The following PDE1C variants were observed in gnomAD, a reference collection of about 807,000 sequenced individuals.
PDE1C encodes the protein dual specificity calcium/calmodulin-dependent 3',5'-cyclic nucleotide phosphodiesterase 1C.
PDE1C carries 62 observed loss-of-function variants against 93.1 expected under a neutral mutation model. The ratio of observed to expected loss-of-function variants is 0.67; its 90% CI spans 0.54 to 0.82. The LOEUF is 0.82. Ranked by LOEUF, PDE1C falls within the 40% of genes least tolerant of loss-of-function variation. The probability of loss-of-function intolerance (pLI) is 0.00; values close to 1 mark genes in which losing one functional copy is unlikely to be tolerated. For synonymous variants in PDE1C, 325 were observed against 310.1 expected (o/e 1.05, Z -0.50); for missense variants, 742 against 884.6 (o/e 0.84, Z 2.04).
chr7:32,172,689 G>A (rs1389232380), intron 2 of PDE1C, among the ~76,000 whole-genome samples: 3 of 152,032 alleles, frequency 2.0e-5, no homozygotes, highest in Admixed American at 6.5e-5. Context: ...GGGCATGGTG[G>A]TGCATGGCTG....
chr7:32,151,384 G>C (rs1248483753), intron 3 of PDE1C, among the ~76,000 whole-genome samples: 4 of 152,184 alleles, frequency 2.6e-5, no homozygotes, highest in African/African-American at 9.6e-5. Flanking sequence ...TACAGTTCCT[G>C]AGAGTTAATT....
chr7:32,385,322 C>G (rs956843172), intron 1 of PDE1C, among the ~76,000 whole-genome samples: 1 of 152,176 alleles, frequency 6.6e-6, no homozygotes, highest in Non-Finnish European at 1.5e-5. Context: ...TATCTGGGAG[C>G]CTTAGGCAGG....
chr7:32,273,852 T>A (rs1004388904), intron 1 of PDE1C, among the ~76,000 whole-genome samples: 1 of 152,242 alleles, frequency 6.6e-6, no homozygotes, highest in Non-Finnish European at 1.5e-5. Context: ...CTGATGATTT[T>A]TAAATTGTGC....
intron 2 of PDE1C, among the ~76,000 whole-genome samples, chr7:31,983,512 G>A (rs1192738774): frequency 2.6e-5 from 4 of 152,088 alleles, no homozygotes; most frequent in East Asian, 3.9e-4. Context: ...CAAACATTTC[G>A]TTGATATTAG....
the PDE1C span, among the ~76,000 whole-genome samples, chr7:31,654,203 G>A: frequency 0.12 from 18,162 of 152,210 alleles, 1,296 homozygotes; most frequent in Middle Eastern, 0.18. Context: ...TAAAGGGAAG[G>A]CTATTTGGGT....
chr7:31,995,937 C>T (rs1460911056), intron 2 of PDE1C, among the ~76,000 whole-genome samples: 1 of 152,060 alleles, frequency 6.6e-6, no homozygotes, highest in South Asian at 2.1e-4. Flanking sequence ...CGACCCTTGG[C>T]AATGGGTGCA....
At chr7:31,671,744 G>C in the PDE1C span, among the ~76,000 whole-genome samples, 3 of 152,160 alleles carry the variant, frequency 2.0e-5, no homozygotes, top group Admixed American at 6.5e-5. Context: ...TTTGCTAGAT[G>C]GTCAACCAGT....
chr7:32,302,989 A>C (rs377302022), upstream of PDE1C, among the ~76,000 whole-genome samples: 95 of 152,284 alleles, frequency 6.2e-4, no homozygotes, highest in African/African-American at 2.2e-3. Context: ...CATTCATATA[A>C]TCATTGGCTG....
At chr7:31,782,405 G>A (rs554784301) in intron 16 of PDE1C, among the ~76,000 whole-genome samples, 257 of 152,156 alleles carry the variant, frequency 1.7e-3, no homozygotes, top group Non-Finnish European at 1.5e-3. Flanking sequence ...TTATACTGTC[G>A]ATACTTTCCA....
chr7:32,119,367 G>C (rs907404519), intron 3 of PDE1C, among the ~76,000 whole-genome samples: 2 of 152,136 alleles, frequency 1.3e-5, no homozygotes, highest in African/African-American at 4.8e-5. Context: ...GCTGCCAAAG[G>C]GGTCTCAGGA....
chr7:32,219,580 C>T (rs921839053), intron 1 of PDE1C, among the ~76,000 whole-genome samples: 33 of 152,262 alleles, frequency 2.2e-4, no homozygotes, highest in African/African-American at 7.5e-4. Flanking sequence ...AAAGCACTGC[C>T]GCCTGACTTG....
intron 3 of PDE1C, among the ~76,000 whole-genome samples, chr7:32,110,091 C>T (rs969867197): frequency 1.2e-4 from 19 of 152,100 alleles, no homozygotes; most frequent in Non-Finnish European, 2.4e-4. Context: ...CAAACTAAGG[C>T]CATGGGTCAA....
At chr7:31,793,972 C>G (rs1192813390) in intron 16 of PDE1C, among the ~76,000 whole-genome samples, 1 of 150,590 alleles carries the variant, frequency 6.6e-6, no homozygotes, top group Non-Finnish European at 1.5e-5. Flanking sequence ...GACAGATAGA[C>G]AGACACATAG....
the PDE1C span, among the ~76,000 whole-genome samples, chr7:31,691,223 C>T: frequency 6.6e-6 from 1 of 152,226 alleles, no homozygotes. Context: ...GATCTCAGCA[C>T]ATAGAGGAAG....
At chr7:31,800,539 T>C (rs1170048586) in intron 16 of PDE1C, among the ~76,000 whole-genome samples, 1 of 151,508 alleles carries the variant, frequency 6.6e-6, no homozygotes, top group Admixed American at 6.6e-5. Context: ...AAATAAATAG[T>C]CCATACACAT....
chr7:32,118,970 G>A (rs1310918071), intron 3 of PDE1C, among the ~76,000 whole-genome samples: 3 of 152,142 alleles, frequency 2.0e-5, no homozygotes, highest in African/African-American at 7.2e-5. Context: ...AGGATGGGGG[G>A]TAGAGGCAGT....
chr7:32,026,191 T>G (rs1035043726), intron 2 of PDE1C, among the ~76,000 whole-genome samples: 1 of 152,122 alleles, frequency 6.6e-6, no homozygotes, highest in South Asian at 2.1e-4. Flanking sequence ...GAGTTTGGAC[T>G]GAACTGAATT....
chr7:31,872,697 A>C (rs1170734253), intron 6 of PDE1C, among the ~76,000 whole-genome samples: 15 of 152,152 alleles, frequency 9.9e-5, no homozygotes, highest in African/African-American at 3.1e-4. Context: ...TGACTACATC[A>C]ACTCCCTGAG....
Position 31,753,325 on chromosome 7 carries a change from T to A in PDE1C, c.*59A>T. On this transcript the variant is annotated 3_prime_UTR_variant, in exon 18 of 18. Transcript: ENST00000396191. ...TGGAGGTGTGTCCTGCTGTGGCCAG[T>A]GGGTGCTGAGAAGCAGATAGGTAGA... 1 of 1,568,590 alleles carries A rather than the reference T, an allele frequency of 6.4e-7. No individual in the cohort carries two copies. Among genetic ancestry groups the A allele is most frequent in the Non-Finnish European group, 8.6e-7 (1 of 1,157,436 alleles).
Sources: allele counts gnomAD v4.1 joint callset (sites outside exome capture counted in the v4.1 genomes callset), GRCh38; gene constraint gnomAD v4.1.1; transcripts MANE v1.5; gene names NCBI Gene and HGNC (gene_info 2026-07-23, HGNC 2026-07-21).